The following EXOC6B variants were observed in gnomAD, a reference collection of about 807,000 sequenced individuals.
EXOC6B encodes the protein exocyst complex component 6B.
EXOC6B carries 54 observed loss-of-function variants against 113.5 expected under a neutral mutation model. That is an observed-to-expected ratio of 0.48 (90% CI 0.38 to 0.60). EXOC6B has a LOEUF of 0.60. Among genes scored for constraint, EXOC6B ranks in the 20% least tolerant of loss-of-function variants. The pLI, the probability that EXOC6B is intolerant of heterozygous loss-of-function variation, is 0.00. For synonymous variants in EXOC6B, 357 were observed against 339.0 expected (o/e 1.05, Z -0.58); for missense variants, 797 against 977.5 (o/e 0.82, Z 2.46).
intron 2 of EXOC6B, among the ~76,000 whole-genome samples, chr2:72,735,185 T>A (rs958471572): frequency 3.3e-5 from 5 of 152,186 alleles, no homozygotes; most frequent in African/African-American, 1.2e-4. Context: ...CAACCCTCCA[T>A]AATACTCCTA....
chr2:72,646,682 A>C (rs1039079083), intron 6 of EXOC6B, among the ~76,000 whole-genome samples: 1 of 152,228 alleles, frequency 6.6e-6, no homozygotes, highest in African/African-American at 2.4e-5. Flanking sequence ...TCACATAAAC[A>C]GAACCAATGA....
chr2:72,356,018 A>G (rs1224315898), intron 19 of EXOC6B, among the ~76,000 whole-genome samples: 4 of 152,220 alleles, frequency 2.6e-5, no homozygotes, highest in African/African-American at 9.6e-5. Context: ...TCCTTTGGAT[A>G]AGGTATTAAA....
At chr2:72,740,452 T>G (rs1681228161) in intron 2 of EXOC6B, among the ~76,000 whole-genome samples, 1 of 152,208 alleles carries the variant, frequency 6.6e-6, no homozygotes, top group Non-Finnish European at 1.5e-5. Flanking sequence ...AGTAGTTAGA[T>G]TTAAGATCAA....
chr2:72,479,182 T>C (rs1698929256), intron 17 of EXOC6B, among the ~76,000 whole-genome samples: 2 of 152,166 alleles, frequency 1.3e-5, no homozygotes, highest in South Asian at 2.1e-4. Context: ...GAATTTTAAC[T>C]AATCTTATTA....
intron 19 of EXOC6B, among the ~76,000 whole-genome samples, chr2:72,356,420 T>C (rs1689973628): frequency 6.6e-6 from 1 of 152,144 alleles, no homozygotes; most frequent in South Asian, 2.1e-4. Flanking sequence ...TAGTCCTAGC[T>C]ACTCAGGAGG....
At chr2:72,504,212 T>C (rs532623614) in intron 11 of EXOC6B, among the ~76,000 whole-genome samples, 33 of 152,250 alleles carry the variant, frequency 2.2e-4, no homozygotes, top group Non-Finnish European at 3.5e-4. Context: ...CTGGCCTTGT[T>C]TTCTTGTTTA....
chr2:72,471,377 G>A (rs1412514922), intron 17 of EXOC6B, among the ~76,000 whole-genome samples: 1 of 152,156 alleles, frequency 6.6e-6, no homozygotes, highest in Non-Finnish European at 1.5e-5. Flanking sequence ...TTTGTCAGAT[G>A]AGTAGGTTGA....
rs1703763672 is a variant in EXOC6B at position 72,559,518 on chromosome 2, G to A, written c.850C>T (p.Pro284Ser). ...AAATCCACCAAATCTTGGGCCCCAGGTACCTGCAAACACAAGATTATAACA... is the reference window on the plus strand; with the variant it reads ...AAATCCACCAAATCTTGGGCCCCAGATACCTGCAAACACAAGATTATAACA... ...VEDEEDDEEVPGAQDLVDFSP... is the reference protein window; with the variant it reads ...VEDEEDDEEVSGAQDLVDFSP... The change falls in exon 8 of 22, where the codon CCT becomes TCT. Residue 284 changes from proline (P) to serine (S), a missense_variant. Pro to Ser is a moderately conservative substitution (Grantham distance 74). Coordinates refer to ENST00000272427, the MANE Select transcript of EXOC6B (RefSeq NM_015189.3). The A allele has an allele frequency of 6.2e-7, 1 of 1,611,918 alleles. No individual in the cohort carries two copies. Among genetic ancestry groups the A allele is most frequent in the East Asian group, 2.2e-5 (1 of 44,780 alleles).
At chr2:72,256,133 T>C (rs1387144315) in intron 20 of EXOC6B, among the ~76,000 whole-genome samples, 1 of 151,772 alleles carries the variant, frequency 6.6e-6, no homozygotes, top group Non-Finnish European at 1.5e-5. Context: ...GAGGGAGAGA[T>C]TGGAGTAATA....
intron 6 of EXOC6B, among the ~76,000 whole-genome samples, chr2:72,700,836 A>AGCTACTCGGGAG (rs1678272317): frequency 6.6e-6 from 1 of 152,194 alleles, no homozygotes; most frequent in Non-Finnish European, 1.5e-5. Context: ...CTGTAATCCC[A>AGCTACTCGGGAG]GCTACTCGGG....
chr2:72,336,794 A>T (rs527252497), intron 19 of EXOC6B, among the ~76,000 whole-genome samples: 1 of 152,214 alleles, frequency 6.6e-6, no homozygotes, highest in South Asian at 2.1e-4. Context: ...ATCACCTGAG[A>T]TCAGGAGTTT....
intron 6 of EXOC6B, among the ~76,000 whole-genome samples, chr2:72,645,699 A>C (rs1276291213): frequency 1.3e-5 from 2 of 152,198 alleles, no homozygotes; most frequent in African/African-American, 4.8e-5. Context: ...CTACTGGGTA[A>C]ATAAAAAAAT....
chr2:72,192,248 G>T (rs1018540353), intron 20 of EXOC6B, among the ~76,000 whole-genome samples: 1 of 152,158 alleles, frequency 6.6e-6, no homozygotes, highest in Non-Finnish European at 1.5e-5. Flanking sequence ...CAAAGACATG[G>T]CACATGGAAT....
chr2:72,522,971 G>C (rs1319682470), intron 8 of EXOC6B, among the ~76,000 whole-genome samples: 3 of 152,112 alleles, frequency 2.0e-5, no homozygotes, highest in Non-Finnish European at 2.9e-5. Context: ...ACAAATGCTA[G>C]AACTAACATG....
At chr2:72,589,074 A>G (rs1203410205) in intron 6 of EXOC6B, among the ~76,000 whole-genome samples, 1 of 152,036 alleles carries the variant, frequency 6.6e-6, no homozygotes, top group Admixed American at 6.6e-5. Flanking sequence ...GAAAAGAGTC[A>G]CGATACCTAA....
At position 72,814,091 on chromosome 2, in the gene EXOC6B, G is replaced by A. The variant is rs139010951; in HGVS notation, c.113+11707C>T. Among the ~76,000 whole-genome samples, 549 of 152,266 alleles carry A rather than the reference G, an allele frequency of 3.6e-3. 8 individuals carry two copies. Among genetic ancestry groups the A allele is most frequent in the African/African-American group, 0.013 (534 of 41,544 alleles). On this transcript the variant is annotated intron_variant, in intron 1 of 21. Transcript: ENST00000272427. ...AATATCATAGTACCAAAAGATATGCGTGAGTCACAGAATCTGTCATGTTCC... is the reference window on the plus strand; with the variant it reads ...AATATCATAGTACCAAAAGATATGCATGAGTCACAGAATCTGTCATGTTCC...
At chr2:72,336,956 A>G (rs1038897596) in intron 19 of EXOC6B, among the ~76,000 whole-genome samples, 2 of 151,876 alleles carry the variant, frequency 1.3e-5, no homozygotes, top group African/African-American at 4.8e-5. Flanking sequence ...GCAGTGAGCC[A>G]AGATTGCATT....
chr2:72,492,480 G>T (rs373805419), intron 15 of EXOC6B, 51 bp from the exon 16 acceptor site: 2 of 1,188,238 alleles, frequency 1.7e-6, no homozygotes, highest in East Asian at 2.4e-5. Context: ...GAATTATTTC[G>T]GCAAACAAAC....
At chr2:72,353,512 C>T (rs775439019) in intron 19 of EXOC6B, among the ~76,000 whole-genome samples, 6 of 152,154 alleles carry the variant, frequency 3.9e-5, no homozygotes, top group Admixed American at 1.3e-4. Context: ...GCTGGGATTA[C>T]AGGCACCTGC....
Sources: gnomAD v4.1 joint callset for allele counts (sites outside exome capture counted in the v4.1 genomes callset) on GRCh38, gnomAD v4.1.1 for gene constraint, MANE v1.5 for transcripts, NCBI Gene and HGNC (gene_info 2026-07-23, HGNC 2026-07-21) for gene names.